The following FGF14 variants were observed in gnomAD, a reference collection of about 807,000 sequenced individuals.
FGF14 encodes fibroblast growth factor 14.
In FGF14, 5 loss-of-function variants were observed where a neutral mutation model predicts 25.5. The observed-to-expected ratio is 0.20, with a 90% CI of 0.10 to 0.41. FGF14 has a LOEUF of 0.41. Among genes scored for constraint, FGF14 ranks in the 10% least tolerant of loss-of-function variants. The pLI, the probability that FGF14 is intolerant of heterozygous loss-of-function variation, is 1.00. For missense variants in FGF14, 222 were observed against 320.1 expected (o/e 0.69, Z 2.34); for synonymous variants, 138 against 118.3 (o/e 1.17, Z -1.08).
rs2140390636 is a variant in FGF14, at chr13:101,856,720, A to C, written c.408+12005T>G. On this transcript the variant is annotated intron_variant, in intron 3 of 4. Coordinates refer to ENST00000376143, the MANE Select transcript of FGF14 (RefSeq NM_004115.4). Reference sequence around the variant, plus strand: ...TCTAATAAAACAGTTGTTTCTTATAACACAATAACTATACAACTCTCAAAG... The same window carrying C: ...TCTAATAAAACAGTTGTTTCTTATACCACAATAACTATACAACTCTCAAAG... Among the ~76,000 whole-genome samples, 2 of 152,128 alleles carry C rather than the reference A, an allele frequency of 1.3e-5. 1 individual carries two copies. Among genetic ancestry groups the C allele is most frequent in the South Asian group, 4.1e-4 (2 of 4,830 alleles).
intron 1 of FGF14, among the ~76,000 whole-genome samples, chr13:101,996,983 G>T (rs2039219405): frequency 6.6e-6 from 1 of 152,152 alleles, no homozygotes; most frequent in African/African-American, 2.4e-5. Context: ...CCTCTGCTGA[G>T]GGCACCACTC....
chr13:101,722,309 G>C lies in FGF14; in HGVS notation c.*522C>G. On this transcript the variant is annotated 3_prime_UTR_variant, in exon 5 of 5. Coordinates refer to ENST00000376143, the MANE Select transcript of FGF14 (RefSeq NM_004115.4). ...AGCCAACTGCAACATTTAAGATTTAGAGGAACAAAATCCCTGCAAAAGGTC... is the reference window on the plus strand; with the variant it reads ...AGCCAACTGCAACATTTAAGATTTACAGGAACAAAATCCCTGCAAAAGGTC... The C allele has an allele frequency of 5.7e-6, 1 of 175,130 alleles. No homozygotes were observed. 10.8% of individuals were successfully genotyped at this position (175,130 alleles called of 1,614,324 possible).
intron 1 of FGF14, among the ~76,000 whole-genome samples, chr13:101,943,545 TCAA>T (rs2035584778): frequency 1.3e-5 from 2 of 152,206 alleles, no homozygotes; most frequent in South Asian, 4.1e-4. Flanking sequence ...GGTCTAAACA[TCAA>T]TTGTTGCAGG....
At chr13:102,104,686 TA>T (rs2044820514) in intron 1 of FGF14, among the ~76,000 whole-genome samples, 1 of 152,082 alleles carries the variant, frequency 6.6e-6, no homozygotes, top group African/African-American at 2.4e-5. Context: ...CTCTGGAGGC[TA>T]AGGTAGGAGG....
At chr13:101,903,849 G>A (rs898053722) in intron 1 of FGF14, among the ~76,000 whole-genome samples, 1 of 151,906 alleles carries the variant, frequency 6.6e-6, no homozygotes. Context: ...AGGGCCTTTT[G>A]TGTTTGTTTG....
chr13:102,388,191 T>C (rs192028257), intron 1 of FGF14, among the ~76,000 whole-genome samples: 1 of 152,348 alleles, frequency 6.6e-6, no homozygotes, highest in African/African-American at 2.4e-5. Flanking sequence ...ATGTCAATAC[T>C]ACAAAGTTGT....
chr13:101,896,073 C>G (rs1297858495), intron 1 of FGF14, among the ~76,000 whole-genome samples: 4 of 152,122 alleles, frequency 2.6e-5, no homozygotes, highest in Non-Finnish European at 4.4e-5. Flanking sequence ...GGTTCTCATA[C>G]CCATGTACTG....
chr13:102,004,908 A>G (rs2039701624), intron 1 of FGF14, among the ~76,000 whole-genome samples: 1 of 152,104 alleles, frequency 6.6e-6, no homozygotes, highest in Admixed American at 6.5e-5. Context: ...TTCTGATATG[A>G]CTGTAAGTTT....
At chr13:102,330,795 A>G (rs1384644897) in intron 1 of FGF14, among the ~76,000 whole-genome samples, 1 of 152,096 alleles carries the variant, frequency 6.6e-6, no homozygotes, top group Non-Finnish European at 1.5e-5. Context: ...TTACCATGTG[A>G]CGTTCCATGC....
intron 1 of FGF14, among the ~76,000 whole-genome samples, chr13:102,139,971 T>TA (rs1162204513): frequency 6.6e-6 from 1 of 150,750 alleles, no homozygotes; most frequent in Non-Finnish European, 1.5e-5. Flanking sequence ...AAATATCACA[T>TA]AAATGTCATT....
At chr13:101,809,601 A>G (rs1254926026) in intron 3 of FGF14, among the ~76,000 whole-genome samples, 1 of 152,132 alleles carries the variant, frequency 6.6e-6, no homozygotes, top group Non-Finnish European at 1.5e-5. Context: ...AAGCAACAAC[A>G]AGCTCATCAC....
intron 1 of FGF14, among the ~76,000 whole-genome samples, chr13:102,348,119 A>T (rs2057167619): frequency 6.6e-6 from 1 of 152,212 alleles, no homozygotes; most frequent in Non-Finnish European, 1.5e-5. Context: ...ATTTATGCAA[A>T]ATAATTCAAA....
chr13:101,883,259 G>C (rs941147870), intron 1 of FGF14, among the ~76,000 whole-genome samples: 1 of 151,970 alleles, frequency 6.6e-6, no homozygotes. Context: ...ATTTATTAAG[G>C]CTTAAAATTT....
At position 101,720,639 on chromosome 13, in the gene FGF14, AAGTT is replaced by A. The variant is rs1051221253; in HGVS notation, c.*2188_*2191del. On this transcript the variant is annotated 3_prime_UTR_variant, in exon 5 of 5. Coordinates refer to ENST00000376143, the MANE Select transcript of FGF14 (RefSeq NM_004115.4). The stretch of plus-strand genomic sequence containing the variant: ...CCATAAGCCCATTTGACTGTATTAC[AAGTT>A]AGTTAATTACTCATATAGTTGGCCA... 1.3e-5 allele frequency: 2 copies of A among 151,878 alleles called. No homozygotes were observed. Among genetic ancestry groups the A allele is most frequent in the Non-Finnish European group, 1.5e-5 (1 of 67,978 alleles). The allele number at this position is 151,878 out of a possible 1,614,324, so 9.4% of individuals were successfully genotyped here. A position where few individuals can be genotyped will look rare whatever the true frequency, so the allele number is the denominator to read the frequency against.
chr13:101,740,316 C>T (rs1434259366), intron 3 of FGF14, among the ~76,000 whole-genome samples: 1 of 152,158 alleles, frequency 6.6e-6, no homozygotes, highest in Non-Finnish European at 1.5e-5. Context: ...TAAGCAGGAA[C>T]ATGTCACACT....
chr13:101,955,969 G>A (rs1014170362), intron 1 of FGF14, among the ~76,000 whole-genome samples: 7 of 152,182 alleles, frequency 4.6e-5, no homozygotes, highest in Non-Finnish European at 7.4e-5. Flanking sequence ...CAAGTCCCAC[G>A]TTTTCACTTT....
intron 1 of FGF14, among the ~76,000 whole-genome samples, chr13:102,276,298 T>TACACACACACACACACACACACAC (rs57994075): frequency 8.5e-6 from 1 of 118,298 alleles, no homozygotes; most frequent in Non-Finnish European, 1.7e-5. Flanking sequence ...AACTTGGAAA[T>TACACACACACACACACACACACAC]ACACACACAC....
At position 102,193,036 on chromosome 13, in the gene FGF14, C is replaced by T. The variant is rs570150067; in HGVS notation, c.208+208435G>A. 2.6e-5 allele frequency among the ~76,000 whole-genome samples: 4 copies of T among 152,300 alleles called. No homozygotes were observed. The highest frequency in any genetic ancestry group is 1.3e-4 in the Admixed American group (2 of 15,294). On this transcript the variant is annotated intron_variant, in intron 1 of 4. Transcript: ENST00000376131. ...CATTGCCCACTTCTAAAGCCACTTA[C>T]GCATGTTTAGGTATTTGTTGCATCA...
intron 1 of FGF14, among the ~76,000 whole-genome samples, chr13:102,052,730 A>G (rs72662494): frequency 2.1e-3 from 313 of 152,222 alleles, no homozygotes; most frequent in Non-Finnish European, 3.3e-3. Flanking sequence ...CAGACAAACA[A>G]AAGTTGAGGA....
Sources: gnomAD v4.1 joint callset for allele counts (sites outside exome capture counted in the v4.1 genomes callset) on GRCh38, gnomAD v4.1.1 for gene constraint, MANE v1.5 for transcripts, NCBI Gene and HGNC (gene_info 2026-07-23, HGNC 2026-07-21) for gene names.